PCDH11X: variants seen among roughly 807,000 people sequenced by gnomAD.
PCDH11X encodes protocadherin-11 X-linked.
In PCDH11X, 18 loss-of-function variants were observed where a neutral mutation model predicts 53.3. The ratio of observed to expected loss-of-function variants is 0.34; its 90% confidence interval spans 0.23 to 0.50. The LOEUF is 0.50. Among genes scored for constraint, PCDH11X ranks in the 20% least tolerant of loss-of-function variants. The probability of loss-of-function intolerance (pLI) is 0.98; values close to 1 mark genes in which losing one functional copy is unlikely to be tolerated. For missense variants in PCDH11X, 570 were observed against 1,032.4 expected, an observed-to-expected ratio of 0.55 and a Z score of 6.14; for synonymous variants, 279 against 393.3, an observed-to-expected ratio of 0.71 and a Z score of 3.44.
At chrX:92,422,752 G>A (rs896980533) in intron 9 of PCDH11X, among the ~76,000 whole-genome samples, 1 of 111,587 alleles carries the variant, frequency 9.0e-6, no homozygotes, top group Non-Finnish European at 1.9e-5. Flanking sequence ...CATAGTGGTT[G>A]TACTAGTTTA....
intron 5 of PCDH11X, among the ~76,000 whole-genome samples, chrX:91,870,937 G>A (rs1268349692): frequency 9.0e-6 from 1 of 111,090 alleles, no homozygotes; most frequent in African/African-American, 3.3e-5. Flanking sequence ...TAGGGTTATC[G>A]GCAGATATGT....
At chrX:92,320,010 G>C (rs1430234645) in intron 8 of PCDH11X, among the ~76,000 whole-genome samples, 1 of 110,752 alleles carries the variant, frequency 9.0e-6, no homozygotes, top group Non-Finnish European at 1.9e-5. Flanking sequence ...TGTATGTTCA[G>C]TAAGTTAATT....
At chrX:92,253,601 C>T (rs774519555) in intron 7 of PCDH11X, among the ~76,000 whole-genome samples, 21 of 111,249 alleles carry the variant, frequency 1.9e-4, no homozygotes, top group Non-Finnish European at 3.8e-4. Flanking sequence ...TTTTGGTGTC[C>T]TCTTCAATTT....
At chrX:92,257,048 G>T in intron 7 of PCDH11X, among the ~76,000 whole-genome samples, 1 of 111,864 alleles carries the variant, frequency 8.9e-6, no homozygotes, top group East Asian at 2.8e-4. Context: ...CAATTGTACA[G>T]AAAGCATAGC....
chrX:91,865,812 A>G (rs1281264912), intron 5 of PCDH11X, among the ~76,000 whole-genome samples: 4 of 111,789 alleles, frequency 3.6e-5, no homozygotes, highest in Non-Finnish European at 7.5e-5. Context: ...CTGCCAAACT[A>G]CTGCTGATAT....
intron 5 of PCDH11X, among the ~76,000 whole-genome samples, chrX:91,852,937 C>T (rs1938115496): frequency 9.8e-6 from 1 of 102,019 alleles, no homozygotes; most frequent in African/African-American, 3.6e-5. Context: ...AAAAAGGAGT[C>T]AGACTTGAAA....
chrX:92,092,411 G>A (rs2064064144), intron 6 of PCDH11X, among the ~76,000 whole-genome samples: 1 of 111,262 alleles, frequency 9.0e-6, no homozygotes, highest in Non-Finnish European at 1.9e-5. Flanking sequence ...CCAAGGTTGA[G>A]GACACACGCC....
intron 10 of PCDH11X, among the ~76,000 whole-genome samples, chrX:92,492,615 G>A: frequency 9.1e-6 from 1 of 109,968 alleles, no homozygotes; most frequent in East Asian, 2.8e-4. Flanking sequence ...AATTGAGGTA[G>A]CAAAATTCTC....
At chrX:92,257,862 G>T (rs1393555954) in intron 7 of PCDH11X, among the ~76,000 whole-genome samples, 1 of 111,813 alleles carries the variant, frequency 8.9e-6, no homozygotes, top group Admixed American at 9.5e-5. Context: ...CAAGCTGTTG[G>T]TGGATCTACC....
chrX:92,151,408 G>A (rs2065432062), intron 6 of PCDH11X, among the ~76,000 whole-genome samples: 1 of 110,504 alleles, frequency 9.0e-6, no homozygotes, highest in South Asian at 3.8e-4. Flanking sequence ...TAGCCAGGAT[G>A]GTCTCGATCT....
At chrX:92,614,927 C>G (rs1168670999) in intron 10 of PCDH11X, among the ~76,000 whole-genome samples, 1 of 111,837 alleles carries the variant, frequency 8.9e-6, no homozygotes, top group Non-Finnish European at 1.9e-5. Flanking sequence ...TCACCAAGAT[C>G]TCTGCATAGT....
chrX:91,982,036 C>T lies in PCDH11X; in HGVS notation c.3033+102763C>T, dbSNP rs781704743. 4.5e-5 allele frequency among the ~76,000 whole-genome samples: 5 copies of T among 110,583 alleles called. No homozygotes were observed. In the East Asian group the frequency reaches 1.4e-3, roughly 32 times the overall value. On this transcript the variant is annotated intron_variant, in intron 6 of 10. Coordinates refer to ENST00000682573, the MANE Select transcript of PCDH11X (RefSeq NM_032968.5). ...TAGCTGGAGTTCCTGGAAGCTATTT[C>T]ATACTCTGGTGCAAGGGCTAAAAAA...
intron 6 of PCDH11X, among the ~76,000 whole-genome samples, chrX:92,139,187 C>A (rs1296280072): frequency 4.7e-5 from 5 of 106,431 alleles, no homozygotes; most frequent in Non-Finnish European, 7.7e-5. Flanking sequence ...GTATTATCTA[C>A]AGATACCATT....
At chrX:92,365,367 C>A (rs2070446960) in intron 8 of PCDH11X, among the ~76,000 whole-genome samples, 1 of 108,803 alleles carries the variant, frequency 9.2e-6, no homozygotes, top group South Asian at 3.9e-4. Flanking sequence ...ACTTTTATAC[C>A]ACTGGCAGTG....
intron 7 of PCDH11X, among the ~76,000 whole-genome samples, chrX:92,252,461 A>G (rs1342395227): frequency 9.0e-6 from 1 of 111,004 alleles, no homozygotes; most frequent in Non-Finnish European, 1.9e-5. Flanking sequence ...CATTAGACAA[A>G]TATGTATTGA....
At chrX:92,149,449 CTCTCTCTG>C (rs1195018847) in intron 6 of PCDH11X, among the ~76,000 whole-genome samples, 1 of 101,305 alleles carries the variant, frequency 9.9e-6, no homozygotes, top group Admixed American at 1.2e-4. Context: ...CTCTCTCTCT[CTCTCTCTG>C]TGTGTGTGTG....
In PCDH11X at chrX:92,353,131, C is replaced by T. The variant is rs1371758115; in HGVS notation, c.3145-34604C>T. 2.7e-5 allele frequency among the ~76,000 whole-genome samples: 3 copies of T among 111,338 alleles called. No homozygotes were observed. The East Asian group carries it at 8.5e-4, about 32-fold the overall frequency. On this transcript the variant is annotated intron_variant, in intron 8 of 10. Coordinates refer to ENST00000682573, the MANE Select transcript of PCDH11X (RefSeq NM_032968.5). ...GTATTATCTTGTCTTGTTATGCTCTCGTACTTCAAAACACATTTATTTCAC... is the reference window on the plus strand; with the variant it reads ...GTATTATCTTGTCTTGTTATGCTCTTGTACTTCAAAACACATTTATTTCAC...
chrX:92,088,758 T>C (rs956147987), intron 6 of PCDH11X, among the ~76,000 whole-genome samples: 9 of 111,919 alleles, frequency 8.0e-5, no homozygotes, highest in African/African-American at 1.9e-4. Context: ...AGAATTGGTC[T>C]TTCTTTCCTT....
chrX:92,202,826 C>A (rs1327202448), intron 7 of PCDH11X, among the ~76,000 whole-genome samples: 1 of 109,208 alleles, frequency 9.2e-6, no homozygotes, highest in African/African-American at 3.3e-5. Context: ...TCGAGACCAT[C>A]CTGGCTAACA....
Sources: gnomAD v4.1 joint callset for allele counts (sites outside exome capture counted in the v4.1 genomes callset) on GRCh38, gnomAD v4.1.1 for gene constraint, MANE v1.5 for transcripts, NCBI Gene and HGNC (gene_info 2026-07-23, HGNC 2026-07-21) for gene names.